The following GLI3 variants were observed in gnomAD, a reference collection of about 807,000 sequenced individuals.
GLI3 encodes transcription activator GLI3.
A neutral mutation model predicts 100.8 loss-of-function variants in GLI3; 20 were observed. The ratio of observed to expected loss-of-function variants is 0.20; its 90% CI spans 0.14 to 0.29. GLI3 has a LOEUF of 0.29. Ranked by LOEUF, GLI3 falls within the 10% of genes least tolerant of loss-of-function variation. The pLI is 1.00. For missense variants in GLI3, 2,040 were observed against 2,128.5 expected (o/e 0.96, Z 0.82); for synonymous variants, 938 against 860.5 (o/e 1.09, Z -1.58).
rs755699245 is a variant in GLI3 at position 42,009,861 on chromosome 7, G to A, written c.1497+13607C>T. Among the ~76,000 whole-genome samples, 10 of 152,098 alleles carry A rather than the reference G, an allele frequency of 6.6e-5. 1 individual carries two copies. Among genetic ancestry groups the A allele is most frequent in the African/African-American group, 2.2e-4 (9 of 41,418 alleles). On this transcript the variant is annotated intron_variant, in intron 10 of 14. Transcript: ENST00000395925. ...TTCATTCCAAGGGATGTGCCTCCCC[G>A]TTCCTGGATCCCACAGCATCCTCTC...
At chr7:42,085,822 A>G (rs773767390) in intron 3 of GLI3, among the ~76,000 whole-genome samples, 28 of 152,340 alleles carry the variant, frequency 1.8e-4, no homozygotes, top group Non-Finnish European at 2.9e-4. Flanking sequence ...CCTTGTCTTC[A>G]CAGTTGCACA....
intron 1 of GLI3, among the ~76,000 whole-genome samples, chr7:42,254,259 G>C (rs1230996531): frequency 6.7e-6 from 1 of 149,262 alleles, no homozygotes; most frequent in Non-Finnish European, 1.5e-5. Flanking sequence ...ATATCGCCTT[G>C]GGCACGAATG....
At chr7:42,181,716 A>G (rs146321660) in intron 2 of GLI3, among the ~76,000 whole-genome samples, 173 of 152,338 alleles carry the variant, frequency 1.1e-3, no homozygotes, top group African/African-American at 3.9e-3. Flanking sequence ...GAGGTGTAAT[A>G]AAAACATTCC....
chr7:42,197,039 A>G (rs950551932), intron 2 of GLI3, among the ~76,000 whole-genome samples: 2 of 152,198 alleles, frequency 1.3e-5, no homozygotes, highest in Non-Finnish European at 2.9e-5. Flanking sequence ...AAGGAAACTG[A>G]GGCCTACAAT....
Position 41,977,734 on chromosome 7 carries a change from A to G in GLI3, c.1648-12T>C, listed in dbSNP as rs1787547266. 4 of 1,613,190 alleles carry G rather than the reference A, an allele frequency of 2.5e-6. No homozygotes were observed. Among genetic ancestry groups the G allele is most frequent in the Non-Finnish European group, 3.4e-6 (4 of 1,179,078 alleles). On this transcript the variant is annotated splice_polypyrimidine_tract_variant and intron_variant, in intron 11 of 14. Coordinates refer to ENST00000395925, the MANE Select transcript of GLI3 (RefSeq NM_000168.6). ...GTGCAACCTTCAAACTGAGGACAAC[A>G]GGTAAATCTGGATTACTCTGCACAA...
In GLI3 at chr7:42,082,511, G is replaced by A. The variant is rs750527448; in HGVS notation, c.368-5654C>T. Among the ~76,000 whole-genome samples, 7 of 152,086 alleles carry A rather than the reference G, an allele frequency of 4.6e-5. 1 individual carries two copies. The highest frequency in any genetic ancestry group is 3.9e-4 in the East Asian group (2 of 5,162). Reference sequence around the variant, plus strand: ...AGTCTGTGGCCCACCATGATCTACCGTGAGCGGAATCTAAGAAGTGCTACC... The same window carrying A: ...AGTCTGTGGCCCACCATGATCTACCATGAGCGGAATCTAAGAAGTGCTACC... On this transcript the variant is annotated intron_variant, in intron 3 of 14. Transcript: ENST00000395925.
intron 3 of GLI3, among the ~76,000 whole-genome samples, chr7:42,106,173 G>A (rs563618362): frequency 2.6e-5 from 4 of 152,286 alleles, no homozygotes; most frequent in South Asian, 2.1e-4. Flanking sequence ...TGGCCTCACC[G>A]TCCAACAGGC....
At chr7:42,107,332 A>AAAACAAAC (rs765355796) in intron 3 of GLI3, among the ~76,000 whole-genome samples, 1 of 152,132 alleles carries the variant, frequency 6.6e-6, no homozygotes, top group African/African-American at 2.4e-5. Flanking sequence ...TCTCAAAGGG[A>AAAACAAAC]AAACAAACAA....
intron 3 of GLI3, among the ~76,000 whole-genome samples, chr7:42,113,125 C>T (rs952593000): frequency 3.3e-5 from 5 of 151,386 alleles, no homozygotes; most frequent in Non-Finnish European, 5.9e-5. Flanking sequence ...TGCAGTGAGC[C>T]GAGATCACAC....
Position 42,177,866 on chromosome 7 carries a change from T to C in GLI3, c.125-29398A>G, listed in dbSNP as rs887605771. On this transcript the variant is annotated intron_variant, in intron 2 of 14. Coordinates refer to ENST00000395925, the MANE Select transcript of GLI3 (RefSeq NM_000168.6). Reference sequence around the variant, plus strand: ...TCACATGCTGCTGGGATGTCTAACATATGATGTCTGGAGAGGCTTTGCTAG... The same window carrying C: ...TCACATGCTGCTGGGATGTCTAACACATGATGTCTGGAGAGGCTTTGCTAG... Among the ~76,000 whole-genome samples, 3 of 152,192 alleles carry C rather than the reference T, an allele frequency of 2.0e-5. No homozygotes were observed. The South Asian group carries it at 6.2e-4, about 31-fold the overall frequency.
At chr7:42,017,637 C>T (rs1039545075) in intron 10 of GLI3, among the ~76,000 whole-genome samples, 1 of 152,188 alleles carries the variant, frequency 6.6e-6, no homozygotes, top group Non-Finnish European at 1.5e-5. Context: ...TTTTTGCTTT[C>T]TTTGACTGAA....
At chr7:42,057,642 C>G (rs762521952) in intron 4 of GLI3, among the ~76,000 whole-genome samples, 3 of 152,090 alleles carry the variant, frequency 2.0e-5, no homozygotes, top group Admixed American at 6.6e-5. Flanking sequence ...AATGAACAAA[C>G]TACAACATAA....
intron 7 of GLI3, among the ~76,000 whole-genome samples, chr7:42,034,559 T>A (rs575436162): frequency 1.5e-4 from 23 of 152,244 alleles, no homozygotes; most frequent in African/African-American, 5.5e-4. Flanking sequence ...TTGGCTAACC[T>A]GCCCCGTGTT....
chr7:42,013,438 G>A (rs1432460296), intron 10 of GLI3, among the ~76,000 whole-genome samples: 1 of 151,830 alleles, frequency 6.6e-6, no homozygotes, highest in Non-Finnish European at 1.5e-5. Context: ...TGTTGCCCAG[G>A]CTGGAGTACA....
intron 3 of GLI3, among the ~76,000 whole-genome samples, chr7:42,147,083 C>A (rs1019241612): frequency 4.6e-5 from 7 of 152,116 alleles, no homozygotes; most frequent in Non-Finnish European, 7.3e-5. Context: ...AATGTAGCTT[C>A]CATCTTTTCC....
At chr7:42,092,258 C>T (rs374065975) in intron 3 of GLI3, among the ~76,000 whole-genome samples, 1 of 152,210 alleles carries the variant, frequency 6.6e-6, no homozygotes, top group Non-Finnish European at 1.5e-5. Context: ...CCAAAGCGAG[C>T]AGCTACACCT....
intron 5 of GLI3, among the ~76,000 whole-genome samples, chr7:42,046,888 G>C (rs1784256041): frequency 6.6e-6 from 1 of 152,186 alleles, no homozygotes; most frequent in South Asian, 2.1e-4. Flanking sequence ...AGGCACAGTG[G>C]CTCATGCCTG....
At chr7:42,040,976 T>A (rs2128739137) in intron 6 of GLI3, among the ~76,000 whole-genome samples, 1 of 152,328 alleles carries the variant, frequency 6.6e-6, no homozygotes, top group South Asian at 2.1e-4. Flanking sequence ...TAAAGAATTA[T>A]CTGGCCCAAA....
upstream of GLI3, among the ~76,000 whole-genome samples, chr7:42,238,769 A>G (rs1013127411): frequency 2.0e-5 from 3 of 152,194 alleles, no homozygotes; most frequent in African/African-American, 7.2e-5. Context: ...GGGGGGAAAC[A>G]CAGGAAGAAA....
Sources: allele counts gnomAD v4.1 joint callset (sites outside exome capture counted in the v4.1 genomes callset), GRCh38; gene constraint gnomAD v4.1.1; transcripts MANE v1.5; gene names NCBI Gene and HGNC (gene_info 2026-07-23, HGNC 2026-07-21).